NDST4: variants seen among roughly 807,000 people sequenced by gnomAD.
NDST4 encodes N-heparan sulfate sulfotransferase 4.
In NDST4, 63 loss-of-function variants were observed where a neutral mutation model predicts 100.8. That is an observed-to-expected ratio of 0.62 (90% CI 0.51 to 0.77). The LOEUF is 0.77. NDST4 is among the 30% of genes least tolerant of loss of function. The probability of loss-of-function intolerance (pLI) is 0.00; values close to 1 mark genes in which losing one functional copy is unlikely to be tolerated. For missense variants in NDST4, 943 were observed against 1,018.4 expected (o/e 0.93, Z 1.01); for synonymous variants, 377 against 361.8 (o/e 1.04, Z -0.48).
chr4:114,930,507 G>A (rs1016239856), intron 6 of NDST4, among the ~76,000 whole-genome samples: 6 of 152,114 alleles, frequency 3.9e-5, no homozygotes, highest in African/African-American at 1.4e-4. Context: ...TTCATACAAT[G>A]TGAGTTTTTA....
chr4:114,892,728 CT>C (rs142864767), intron 6 of NDST4, among the ~76,000 whole-genome samples: 40 of 145,532 alleles, frequency 2.7e-4, no homozygotes, highest in Admixed American at 5.5e-4. Context: ...TCCTAATTTT[CT>C]TTTTTTTTTG....
intron 6 of NDST4, among the ~76,000 whole-genome samples, chr4:114,906,972 C>A (rs112722074): frequency 0.019 from 2,960 of 152,040 alleles, 104 homozygotes; most frequent in African/African-American, 0.067. Flanking sequence ...ATATTTTCTT[C>A]AAAACTGTAT....
intron 2 of NDST4, among the ~76,000 whole-genome samples, chr4:115,049,876 A>G (rs1728547329): frequency 6.6e-6 from 1 of 152,176 alleles, no homozygotes; most frequent in South Asian, 2.1e-4. Context: ...ACACAAAATA[A>G]TCAATTTGTA....
At chr4:114,877,087 C>CAT (rs367579960) in intron 6 of NDST4, among the ~76,000 whole-genome samples, 49 of 151,606 alleles carry the variant, frequency 3.2e-4, no homozygotes, top group Middle Eastern at 3.4e-3. Context: ...CACACACACA[C>CAT]GCGTGCACGC....
intron 6 of NDST4, among the ~76,000 whole-genome samples, chr4:114,875,463 T>C (rs1389269237): frequency 6.6e-6 from 1 of 152,200 alleles, no homozygotes; most frequent in African/African-American, 2.4e-5. Flanking sequence ...TGTTTAATGA[T>C]GTATCTAAAG....
intron 4 of NDST4, among the ~76,000 whole-genome samples, chr4:114,967,400 C>G (rs1027079426): frequency 1.3e-5 from 2 of 152,128 alleles, no homozygotes; most frequent in African/African-American, 4.8e-5. Context: ...TGTAATTACT[C>G]TGAATGGACT....
At chr4:115,111,679 C>T (rs1239162409) in intron 1 of NDST4, among the ~76,000 whole-genome samples, 1 of 151,512 alleles carries the variant, frequency 6.6e-6, no homozygotes, top group African/African-American at 2.4e-5. Context: ...TAAATTGGAT[C>T]TAAGGGTGAT....
chr4:114,986,793 C>CATATATATATATATATATAT (rs59806494), intron 2 of NDST4, among the ~76,000 whole-genome samples: 21 of 91,128 alleles, frequency 2.3e-4, no homozygotes, highest in Admixed American at 6.2e-4. Flanking sequence ...TCCAATTATA[C>CATATATATATATATATATAT]ATATATATAT....
In NDST4 at chr4:114,862,837, T is replaced by C. The variant is rs117265750; in HGVS notation, c.1719+7931A>G. 1.4e-3 allele frequency among the ~76,000 whole-genome samples: 214 copies of C among 152,292 alleles called. 3 individuals are homozygous for C. The East Asian group carries it at 0.037, about 26-fold the overall frequency. On this transcript the variant is annotated intron_variant, in intron 7 of 13. Transcript: ENST00000264363. ...CCAGAATGTTGGGATGCTAAGCTGTTACAATACTTGCTGTTCCAAATATTT... is the reference window on the plus strand; with the variant it reads ...CCAGAATGTTGGGATGCTAAGCTGTCACAATACTTGCTGTTCCAAATATTT...
At chr4:114,852,475 T>C (rs1436896471) in intron 8 of NDST4, among the ~76,000 whole-genome samples, 1 of 152,176 alleles carries the variant, frequency 6.6e-6, no homozygotes, top group Non-Finnish European at 1.5e-5. Context: ...AAATTTGGCA[T>C]GTATGTTGAA....
intron 10 of NDST4, among the ~76,000 whole-genome samples, chr4:114,845,288 C>T (rs139511886): frequency 2.5e-4 from 38 of 152,158 alleles, no homozygotes; most frequent in Non-Finnish European, 4.1e-4. Flanking sequence ...GCTATGATCA[C>T]GCCACTGCAC....
At chr4:115,107,004 T>A (rs1729846264) in intron 1 of NDST4, among the ~76,000 whole-genome samples, 1 of 151,860 alleles carries the variant, frequency 6.6e-6, no homozygotes, top group Non-Finnish European at 1.5e-5. Flanking sequence ...ATATGAATAA[T>A]AAAATTATCT....
intron 1 of NDST4, among the ~76,000 whole-genome samples, chr4:115,093,735 T>C (rs866582091): frequency 2.8e-4 from 43 of 152,104 alleles, no homozygotes; most frequent in Middle Eastern, 3.4e-3. Flanking sequence ...GCTCCTGTAT[T>C]TAAAATTTAA....
At chr4:114,877,596 A>G (rs1316193195) in intron 6 of NDST4, among the ~76,000 whole-genome samples, 3 of 152,216 alleles carry the variant, frequency 2.0e-5, no homozygotes, top group Non-Finnish European at 4.4e-5. Flanking sequence ...TTTCAAAGAG[A>G]CACATTTTAT....
intron 2 of NDST4, among the ~76,000 whole-genome samples, chr4:115,045,226 A>G (rs1479797): frequency 0.26 from 39,878 of 151,956 alleles, 7,567 homozygotes; most frequent in African/African-American, 0.52. Flanking sequence ...TCTATGGCAT[A>G]AAATGATAGA....
chr4:114,842,610 G>A, intron 10 of NDST4: 1 of 93,444 alleles, frequency 1.1e-5, no homozygotes, highest in East Asian at 4.1e-4. Flanking sequence ...ATGAAAACCA[G>A]TCTCTACTAA....
intron 1 of NDST4, among the ~76,000 whole-genome samples, chr4:115,095,725 T>C (rs905886175): frequency 3.3e-5 from 5 of 152,124 alleles, no homozygotes; most frequent in African/African-American, 1.2e-4. Context: ...AATAAAGATA[T>C]CCATATGGAT....
chr4:114,998,573 T>C (rs1232992918), intron 2 of NDST4, among the ~76,000 whole-genome samples: 1 of 152,096 alleles, frequency 6.6e-6, no homozygotes. Flanking sequence ...AGCAGTCTCA[T>C]ACCATAAGTG....
intron 1 of NDST4, among the ~76,000 whole-genome samples, chr4:115,097,389 A>C (rs937755848): frequency 6.6e-6 from 1 of 152,174 alleles, no homozygotes; most frequent in Non-Finnish European, 1.5e-5. Context: ...CCATATAAGT[A>C]AATGATGCTT....
Sources: gnomAD v4.1 joint callset for allele counts (sites outside exome capture counted in the v4.1 genomes callset) on GRCh38, gnomAD v4.1.1 for gene constraint, MANE v1.5 for transcripts, NCBI Gene and HGNC (gene_info 2026-07-23, HGNC 2026-07-21) for gene names.